The following RAI1 variants were observed in gnomAD, a reference collection of about 807,000 sequenced individuals.
The protein encoded by RAI1 is retinoic acid induced 1.
A neutral mutation model predicts 123.8 loss-of-function variants in RAI1; 9 were observed. That is an observed-to-expected ratio of 0.07 (90% CI 0.04 to 0.13). The LOEUF (loss-of-function observed/expected upper bound fraction) is 0.13, where lower values mean the gene tolerates loss of function less well. Ranked by LOEUF, RAI1 falls within the 10% of genes least tolerant of loss-of-function variation. The pLI, the probability that RAI1 is intolerant of heterozygous loss-of-function variation, is 1.00. For missense variants in RAI1, 2,256 were observed against 2,545.8 expected, an observed-to-expected ratio of 0.89 and a Z score of 2.45; for synonymous variants, 1,231 against 1,127.3, an observed-to-expected ratio of 1.09 and a Z score of -1.84.
intron 2 of RAI1, among the ~76,000 whole-genome samples, chr17:17,781,592 G>A (rs998896702): frequency 2.0e-5 from 3 of 151,570 alleles, no homozygotes; most frequent in African/African-American, 7.2e-5. Flanking sequence ...GGCTGGGAGG[G>A]AGGGGTCTGG....
chr17:17,681,814 C>CGA, intron 1 of RAI1, 21 bp downstream of exon 1: 3 of 282,802 alleles, frequency 1.1e-5, no homozygotes, highest in Non-Finnish European at 2.0e-5. Context: ...AGCGCCGGGG[C>CGA]GCGGGGGGCG....
At chr17:17,722,588 C>T (rs976745184) in intron 1 of RAI1, among the ~76,000 whole-genome samples, 2 of 152,216 alleles carry the variant, frequency 1.3e-5, no homozygotes, top group African/African-American at 4.8e-5. Context: ...TTGTCTCGGC[C>T]TAGTTCTCGG....
intron 1 of RAI1, chr17:17,683,681 G>C (rs1914523185): frequency 6.6e-6 from 1 of 152,256 alleles, no homozygotes; most frequent in African/African-American, 2.4e-5. Flanking sequence ...CAAAAGCCTT[G>C]GAGAGGAGGA....
intron 2 of RAI1, among the ~76,000 whole-genome samples, chr17:17,754,577 A>G (rs2030356547): frequency 6.6e-6 from 1 of 152,152 alleles, no homozygotes; most frequent in Non-Finnish European, 1.5e-5. Flanking sequence ...CTCCCATGAC[A>G]ACTCAAGTTA....
intron 1 of RAI1, among the ~76,000 whole-genome samples, chr17:17,697,338 G>A (rs1915073098): frequency 6.6e-6 from 1 of 152,256 alleles, no homozygotes; most frequent in Admixed American, 6.5e-5. Flanking sequence ...GAGGGGCAGC[G>A]GGTGTGGCAT....
chr17:17,700,013 C>T (rs1405359839), intron 1 of RAI1, among the ~76,000 whole-genome samples: 1 of 152,268 alleles, frequency 6.6e-6, no homozygotes, highest in Non-Finnish European at 1.5e-5. Flanking sequence ...TCCACTACTC[C>T]TGGGGCTCTT....
In RAI1 at chr17:17,796,764, G is replaced by A. The variant is rs747022645; in HGVS notation, c.3816G>A (p.Arg1272=). 2.5e-6 allele frequency: 4 copies of A among 1,613,086 alleles called. No individual in the cohort carries two copies. The highest frequency in any genetic ancestry group is 2.7e-5 in the African/African-American group (2 of 74,916). ...AGGGTTCCCCCACCCTCTTCAAGAG[G>A]ATGTCTTCTCCCAAGAAAGCCAAGC... ...RPEGSPTLFK[R]MSSPKKAKPT... is the part of the protein sequence containing the mutation. Residue 1272 remains arginine, a synonymous_variant, in exon 3 of 6, where the codon AGG becomes AGA. Transcript: ENST00000353383. The surrounding 1 kb of genome is among the most constrained non-coding windows in gnomAD (Gnocchi z 5.8).
chr17:17,780,082 T>TTTTTTTTA (rs71152902), intron 2 of RAI1, among the ~76,000 whole-genome samples: 1 of 110,954 alleles, frequency 9.0e-6, no homozygotes, highest in Non-Finnish European at 1.8e-5. Flanking sequence ...GGCTTTTTTT[T>TTTTTTTTA]AAGACAAGAG....
intron 2 of RAI1, among the ~76,000 whole-genome samples, chr17:17,773,884 A>G (rs1180077177): frequency 2.6e-5 from 4 of 152,238 alleles, no homozygotes; most frequent in Non-Finnish European, 5.9e-5. Flanking sequence ...TAATAGGCAC[A>G]TAATTAATAA....
chr17:17,686,568 C>CGTGTGTGTGTGTGT lies in RAI1; in HGVS notation c.-149+4803_-149+4816dup, dbSNP rs58906330. Among the ~76,000 whole-genome samples the CGTGTGTGTGTGTGT allele has an allele frequency of 2.3e-3, 283 of 124,488 alleles. 1 individual carries two copies. Among genetic ancestry groups the CGTGTGTGTGTGTGT allele is most frequent in the Middle Eastern group, 8.0e-3 (2 of 250 alleles). The allele number at this position is 124,488 out of a possible 152,430, so 81.7% of individuals were successfully genotyped here. ...ATTTCGCTCCACTGGTTCTTGAACC[C>CGTGTGTGTGTGTGT]GTGTGTGTGTGTGTGTGTGTGTGTG... On this transcript the variant is annotated intron_variant, in intron 1 of 5. Coordinates refer to ENST00000353383, the MANE Select transcript of RAI1 (RefSeq NM_030665.4).
intron 2 of RAI1, among the ~76,000 whole-genome samples, chr17:17,725,599 C>T (rs549534269): frequency 6.6e-6 from 1 of 152,248 alleles, no homozygotes; most frequent in African/African-American, 2.4e-5. Context: ...TTTGCTCCAT[C>T]GGGGGATGCA....
chr17:17,730,245 C>G (rs1232362142), intron 2 of RAI1, among the ~76,000 whole-genome samples: 2 of 152,248 alleles, frequency 1.3e-5, no homozygotes, highest in African/African-American at 4.8e-5. Context: ...GCCTGAAATG[C>G]TTCCGTTAGT....
At chr17:17,803,121 G>A (rs2032513713) in intron 3 of RAI1, among the ~76,000 whole-genome samples, 1 of 151,176 alleles carries the variant, frequency 6.6e-6, no homozygotes, top group African/African-American at 2.4e-5. Context: ...AAGCCAGTGG[G>A]CAAGGACACA....
At chr17:17,695,826 C>T (rs780480505) in intron 1 of RAI1, among the ~76,000 whole-genome samples, 5 of 152,168 alleles carry the variant, frequency 3.3e-5, no homozygotes, top group African/African-American at 1.2e-4. Context: ...CCGGCCTCCC[C>T]TAGTCTCTTA....
Position 17,796,657 on chromosome 17 carries a change from C to T in RAI1, c.3709C>T (p.Arg1237Trp). 1 of 1,612,160 alleles carries T rather than the reference C, an allele frequency of 6.2e-7. No individual in the cohort carries two copies. The highest frequency in any genetic ancestry group is 8.5e-7 in the Non-Finnish European group (1 of 1,179,168). ...CATGGCGCCGGTCCCCACCAAGAAG[C>T]GGAACCTGGTCTTGCGGAGCCGCAG... ...AFMAPVPTKK[R>W]NLVLRSRSSS... The change falls in exon 3 of 6, where the codon CGG becomes TGG. Residue 1237 changes from arginine to tryptophan, a missense_variant. Around this residue, in one of 7 missense-constraint regions of RAI1, gnomAD observed 322 missense variants for 358.0 expected, o/e 0.90. Coordinates refer to ENST00000353383, the MANE Select transcript of RAI1 (RefSeq NM_030665.4). This position sits in a 1 kb window ranked among gnomAD's most constrained non-coding sequence, Gnocchi z 5.8.
chr17:17,742,415 T>TTGAATGAATGAA (rs367761123), intron 2 of RAI1, among the ~76,000 whole-genome samples: 1 of 152,010 alleles, frequency 6.6e-6, no homozygotes, highest in Non-Finnish European at 1.5e-5. Flanking sequence ...AGATCTTGGT[T>TTGAATGAATGAA]TGAATGAATG....
At chr17:17,748,552 T>G (rs1289352582) in intron 2 of RAI1, among the ~76,000 whole-genome samples, 1 of 152,262 alleles carries the variant, frequency 6.6e-6, no homozygotes, top group African/African-American at 2.4e-5. Context: ...AGCTTCCGTA[T>G]GTTAGCAGTG....
chr17:17,741,089 GCGCA>G (rs1206356953), intron 2 of RAI1, among the ~76,000 whole-genome samples: 190 of 149,464 alleles, frequency 1.3e-3, no homozygotes, highest in East Asian at 3.7e-3. Context: ...ACAAGCGCGC[GCGCA>G]CACACACACA....
At position 17,714,916 on chromosome 17, in the gene RAI1, G is replaced by C. The variant is rs1418867174; in HGVS notation, c.-148-9112G>C. 6.6e-6 allele frequency among the ~76,000 whole-genome samples: 1 copy of C among 152,208 alleles called. No homozygotes were observed. The highest frequency in any genetic ancestry group is 2.4e-5 in the African/African-American group (1 of 41,456). On this transcript the variant is annotated intron_variant, in intron 1 of 5. Coordinates refer to ENST00000353383, the MANE Select transcript of RAI1 (RefSeq NM_030665.4). The surrounding 1 kb of genome is among the most constrained non-coding windows in gnomAD (Gnocchi z 4.9). The stretch of plus-strand genomic sequence containing the variant: ...CTTTCTTGCTCAGCTTGGGGAGAGA[G>C]GTAGTAATGTCGCCTTCCACCTCAT...
Sources: gnomAD v4.1 joint callset for allele counts (sites outside exome capture counted in the v4.1 genomes callset) on GRCh38, gnomAD v4.1.1 for gene constraint, gnomAD v4.1.1 regional missense constraint, Gnocchi (gnomAD v3.1) non-coding constraint, MANE v1.5 for transcripts, NCBI Gene and HGNC (gene_info 2026-07-23, HGNC 2026-07-21) for gene names.